The following TRHDE variants were observed in gnomAD, a reference collection of about 807,000 sequenced individuals.
The protein encoded by TRHDE is thyrotropin releasing hormone degrading enzyme.
TRHDE carries 72 observed loss-of-function variants against 125.7 expected under a neutral mutation model. The observed-to-expected ratio is 0.57, with a 90% CI of 0.47 to 0.70. TRHDE has a LOEUF of 0.70. TRHDE is among the 30% of genes least tolerant of loss of function. The pLI is 0.00. For missense variants in TRHDE, 1,110 were observed against 1,327.1 expected (o/e 0.84, Z 2.54); for synonymous variants, 509 against 509.1 (o/e 1.00, Z 0.00).
chr12:72,301,687 G>A (rs1868262451), intron 2 of TRHDE, among the ~76,000 whole-genome samples: 1 of 151,862 alleles, frequency 6.6e-6, no homozygotes, highest in South Asian at 2.1e-4. Flanking sequence ...ATGCAGTTGA[G>A]AAAGTTAAAA....
chr12:72,635,574 G>GC (rs1378176420), intron 15 of TRHDE, among the ~76,000 whole-genome samples: 1 of 152,062 alleles, frequency 6.6e-6, no homozygotes, highest in Non-Finnish European at 1.5e-5. Context: ...TGAAGTCCTT[G>GC]CCCGTGCCTA....
chr12:72,508,422 G>T (rs566414121), intron 6 of TRHDE, among the ~76,000 whole-genome samples: 10 of 152,326 alleles, frequency 6.6e-5, no homozygotes, highest in African/African-American at 2.2e-4. Context: ...AAGACATGGA[G>T]TCAAAGGAGG....
At chr12:72,165,649 A>G (rs1381646769) in intron 2 of TRHDE, among the ~76,000 whole-genome samples, 1 of 151,870 alleles carries the variant, frequency 6.6e-6, no homozygotes, top group Non-Finnish European at 1.5e-5. Context: ...AACTTAATAT[A>G]TAATAAGTCA....
chr12:72,427,202 C>A (rs1005227443), intron 3 of TRHDE, among the ~76,000 whole-genome samples: 7 of 152,000 alleles, frequency 4.6e-5, no homozygotes, highest in African/African-American at 1.7e-4. Context: ...AGTTTGCCAA[C>A]CCCTGATCTA....
intron 2 of TRHDE, among the ~76,000 whole-genome samples, chr12:72,201,465 T>G (rs1412048415): frequency 6.6e-6 from 1 of 152,210 alleles, no homozygotes; most frequent in Non-Finnish European, 1.5e-5. Context: ...GTCAATTTCA[T>G]GTACTGCCCC....
At chr12:72,238,563 G>A (rs1878410547) in intron 2 of TRHDE, among the ~76,000 whole-genome samples, 1 of 150,416 alleles carries the variant, frequency 6.6e-6, no homozygotes, top group African/African-American at 2.4e-5. Flanking sequence ...AAACTGGCAG[G>A]CCCCGGTGTA....
Position 72,387,587 on chromosome 12 carries a change from C to T in TRHDE, c.1315+9466C>T, listed in dbSNP as rs536044802. On this transcript the variant is annotated intron_variant, in intron 3 of 18. Transcript: ENST00000261180. ...GCTGTTCAAACATTTCAATGGCTTC[C>T]CATTACTCATAAAGTCTAAGATTCT... is the stretch of plus-strand genomic sequence containing the variant. Among the ~76,000 whole-genome samples the T allele has an allele frequency of 4.2e-4, 64 of 152,208 alleles. 1 individual carries two copies. Among genetic ancestry groups the T allele is most frequent in the African/African-American group, 1.4e-3 (60 of 41,552 alleles).
At chr12:72,626,139 A>T (rs974949399) in intron 15 of TRHDE, among the ~76,000 whole-genome samples, 1 of 151,932 alleles carries the variant, frequency 6.6e-6, no homozygotes, top group Non-Finnish European at 1.5e-5. Context: ...TAGGTACCAC[A>T]CTTTGGGAAT....
intron 2 of TRHDE, among the ~76,000 whole-genome samples, chr12:72,199,102 G>A (rs1463995427): frequency 6.6e-6 from 1 of 152,090 alleles, no homozygotes; most frequent in African/African-American, 2.4e-5. Flanking sequence ...TCCCAACATG[G>A]GGAATTACAA....
intron 2 of TRHDE, among the ~76,000 whole-genome samples, chr12:72,128,664 G>A (rs536568914): frequency 2.0e-5 from 3 of 152,294 alleles, no homozygotes; most frequent in Admixed American, 2.0e-4. Flanking sequence ...ATTAATGGCA[G>A]ATGACATATC....
At chr12:72,653,600 T>C (rs1281969447) in intron 17 of TRHDE, among the ~76,000 whole-genome samples, 1 of 152,080 alleles carries the variant, frequency 6.6e-6, no homozygotes, top group Non-Finnish European at 1.5e-5. Flanking sequence ...AAAACCATGA[T>C]ATAGAGAAGG....
At chr12:72,591,418 A>G (rs76523725) in intron 12 of TRHDE, among the ~76,000 whole-genome samples, 2 of 152,142 alleles carry the variant, frequency 1.3e-5, no homozygotes, top group Non-Finnish European at 1.5e-5. Context: ...CTCCAACTAC[A>G]TAAGTCCATA....
intron 2 of TRHDE, among the ~76,000 whole-genome samples, chr12:72,204,312 C>T (rs115940253): frequency 1.9e-3 from 295 of 152,288 alleles, no homozygotes; most frequent in African/African-American, 6.5e-3. Flanking sequence ...TATCTCTTTG[C>T]TTCCACGGTA....
At chr12:72,506,462 G>T (rs147986841) in intron 6 of TRHDE, among the ~76,000 whole-genome samples, 63 of 152,226 alleles carry the variant, frequency 4.1e-4, no homozygotes, top group African/African-American at 1.5e-3. Context: ...AATGTATTTT[G>T]TGAAATGTTT....
chr12:72,218,531 G>A (rs879681234), intron 2 of TRHDE, among the ~76,000 whole-genome samples: 1 of 151,994 alleles, frequency 6.6e-6, no homozygotes, highest in Non-Finnish European at 1.5e-5. Context: ...GGTGGTTCAG[G>A]ACAACAAAAA....
intron 2 of TRHDE, among the ~76,000 whole-genome samples, chr12:72,359,219 C>A (rs144463045): frequency 1.3e-5 from 2 of 150,894 alleles, no homozygotes; most frequent in Non-Finnish European, 3.0e-5. Context: ...AGAAAGCCTT[C>A]GAAAAATCCA....
chr12:72,433,259 C>T (rs1172252708), intron 3 of TRHDE, among the ~76,000 whole-genome samples: 1 of 151,986 alleles, frequency 6.6e-6, no homozygotes, highest in Non-Finnish European at 1.5e-5. Flanking sequence ...TATACATTTC[C>T]TTTCTTCTGA....
intron 2 of TRHDE, among the ~76,000 whole-genome samples, chr12:72,164,129 A>C (rs1592465564): frequency 6.6e-6 from 1 of 152,068 alleles, no homozygotes; most frequent in Admixed American, 6.5e-5. Context: ...ACAAACAACA[A>C]AACAACAACA....
chr12:72,202,580 A>C (rs11179104), intron 2 of TRHDE, among the ~76,000 whole-genome samples: 1 of 152,080 alleles, frequency 6.6e-6, no homozygotes, highest in African/African-American at 2.4e-5. Context: ...CTGGCTCGCT[A>C]TCTCCACTTG....
Sources: gnomAD v4.1 joint callset for allele counts (sites outside exome capture counted in the v4.1 genomes callset) on GRCh38, gnomAD v4.1.1 for gene constraint, MANE v1.5 for transcripts, NCBI Gene and HGNC (gene_info 2026-07-23, HGNC 2026-07-21) for gene names.